ABCA5: variants seen among roughly 807,000 people sequenced by gnomAD.
ABCA5 encodes the protein cholesterol transporter ABCA5.
In ABCA5, 163 loss-of-function variants were observed where a neutral mutation model predicts 206.0. The observed-to-expected ratio is 0.79, with a 90% CI of 0.70 to 0.90. The LOEUF (loss-of-function observed/expected upper bound fraction) is 0.90, where lower values mean the gene tolerates loss of function less well. ABCA5 is among the 40% of genes least tolerant of loss of function. The pLI is 0.00. For synonymous variants in ABCA5, 609 were observed against 613.8 expected (o/e 0.99, Z 0.11); for missense variants, 1,859 against 1,912.9 (o/e 0.97, Z 0.53).
intron 37 of ABCA5, chr17:69,248,904 A>G (rs1318164940): frequency 6.6e-6 from 1 of 152,126 alleles, no homozygotes. Context: ...TTTAAAAAAT[A>G]TTTTGTAAAA....
At chr17:69,325,308 C>CAA (rs35573417) in intron 1 of ABCA5, among the ~76,000 whole-genome samples, 85 of 137,974 alleles carry the variant, frequency 6.2e-4, no homozygotes, top group East Asian at 4.1e-3. Context: ...GACCCTGTCT[C>CAA]AAAAAAAAAA....
At chr17:69,257,167 C>T (rs1255305702) in intron 28 of ABCA5, among the ~76,000 whole-genome samples, 1 of 152,038 alleles carries the variant, frequency 6.6e-6, no homozygotes, top group Non-Finnish European at 1.5e-5. Flanking sequence ...CAGTTCAACA[C>T]CAGCCTAGCC....
intron 9 of ABCA5, among the ~76,000 whole-genome samples, chr17:69,300,878 T>C (rs530951516): frequency 3.2e-4 from 48 of 152,238 alleles, no homozygotes; most frequent in African/African-American, 1.1e-3. Context: ...AAAAGACTGA[T>C]ATAAAGAAGG....
rs751218619 is a variant in ABCA5 at position 69,248,276 on chromosome 17, C to T, written c.4807G>A (p.Ala1603Thr). Residue 1603 changes from alanine to threonine, a missense_variant, in exon 38 of 39, where the codon GCA becomes ACA. Transcript: ENST00000392676. ...CTTTATAGTACCTGTTCCAATGTTGCTTGAGAAAAGCTATATTCTTCAATG... is the reference window on the plus strand; with the variant it reads ...CTTTATAGTACCTGTTCCAATGTTGTTTGAGAAAAGCTATATTCTTCAATG... The part of the protein sequence containing the change: ...FAIEEYSFSQ[A>T]TLEQVFVELT... 1.9e-6 allele frequency: 3 copies of T among 1,558,056 alleles called. No homozygotes were observed. Among genetic ancestry groups the T allele is most frequent in the African/African-American group, 1.4e-5 (1 of 72,952 alleles).
Position 69,271,173 on chromosome 17 carries a change from G to A in ABCA5, c.2881C>T (p.His961Tyr), listed in dbSNP as rs539979750. The change falls in exon 21 of 39, where the codon CAT (histidine) becomes TAT (tyrosine). Residue 961 changes from histidine (H) to tyrosine (Y), a missense_variant. Physicochemically the swap from His to Tyr is moderately conservative, Grantham distance 83 (BLOSUM62 2). Coordinates refer to ENST00000392676, the MANE Select transcript of ABCA5 (RefSeq NM_172232.4). ...APHSAALNVM[H>Y]SEKDYVFAAV... ...TGCATTCATCTTACCTTTTCTGAAT[G>A]CATCACATTTAAAGCCGCACTATGG... 2.5e-6 allele frequency: 4 copies of A among 1,611,174 alleles called. No homozygotes were observed. The highest frequency in any genetic ancestry group is 3.4e-6 in the Non-Finnish European group (4 of 1,179,198).
At chr17:69,324,978 G>GCTCT (rs1299639867) in intron 1 of ABCA5, among the ~76,000 whole-genome samples, 1 of 152,046 alleles carries the variant, frequency 6.6e-6, no homozygotes, top group African/African-American at 2.4e-5. Context: ...AATTATAAAT[G>GCTCT]CTCTCATCTT....
intron 4 of ABCA5, among the ~76,000 whole-genome samples, 172 bp downstream of exon 4, chr17:69,309,089 AG>A (rs1184398661): frequency 1.3e-5 from 2 of 152,168 alleles, no homozygotes; most frequent in Non-Finnish European, 2.9e-5. Context: ...GTGTAGAAGT[AG>A]ATAGGTATTT....
intron 1 of ABCA5, among the ~76,000 whole-genome samples, chr17:69,322,363 C>CAAAAAAAAAA (rs3029978): frequency 5.7e-5 from 3 of 52,380 alleles, no homozygotes; most frequent in Non-Finnish European, 9.8e-5. Flanking sequence ...GATTCCGTCT[C>CAAAAAAAAAA]AAAAAAAAAA....
chr17:69,305,733 T>C (rs776792634), intron 6 of ABCA5, among the ~76,000 whole-genome samples: 1 of 152,046 alleles, frequency 6.6e-6, no homozygotes, highest in Non-Finnish European at 1.5e-5. Flanking sequence ...TAGTTGGGCA[T>C]GACAGCATGC....
intron 28 of ABCA5, among the ~76,000 whole-genome samples, chr17:69,256,689 C>T (rs2075086717): frequency 3.9e-5 from 6 of 151,984 alleles, no homozygotes; most frequent in Admixed American, 3.9e-4. Flanking sequence ...CTCCTGGCCT[C>T]AAAAGATCCA....
At position 69,254,400 on chromosome 17, in the gene ABCA5, G is replaced by A. The variant is rs746908816; in HGVS notation, c.4159C>T (p.Pro1387Ser). 1 of 1,613,522 alleles carries A rather than the reference G, an allele frequency of 6.2e-7. No individual in the cohort carries two copies. Among genetic ancestry groups the A allele is most frequent in the African/African-American group, 1.3e-5 (1 of 74,980 alleles). Residue 1387 changes from proline to serine, a missense_variant, in exon 32 of 39, where the codon CCA becomes TCA. Transcript: ENST00000392676. ...AAATGTTCCTGCAATGTAGTATCTGGCCACAAAGGGTTTATCTGAGGACAG... is the reference window on the plus strand; with the variant it reads ...AAATGTTCCTGCAATGTAGTATCTGACCACAAAGGGTTTATCTGAGGACAG... ...GYCPQINPLW[P>S]DTTLQEHFEI...
chr17:69,253,748 A>C, intron 33 of ABCA5, 46 bp downstream of exon 33: 2 of 1,581,532 alleles, frequency 1.3e-6, no homozygotes, highest in East Asian at 2.2e-5. Context: ...CAGGTACTAA[A>C]CTATCAATAA....
rs569592055 is a variant in ABCA5 at position 69,246,419 on chromosome 17, T to C, written c.*1118A>G. The C allele has an allele frequency of 6.6e-6, 1 of 152,080 alleles. No homozygotes were observed. The highest frequency in any genetic ancestry group is 1.9e-4 in the East Asian group (1 of 5,188). The allele number at this position is 152,080 out of a possible 1,614,324, so 9.4% of individuals were successfully genotyped here. ...ATACATGGGTTGTACAAGGAAGTAT[T>C]TCTAAGAAAATATTAGCCATGCCTT... On this transcript the variant is annotated 3_prime_UTR_variant, in exon 39 of 39. Coordinates refer to ENST00000392676, the MANE Select transcript of ABCA5 (RefSeq NM_172232.4).
Position 69,308,332 on chromosome 17 carries a change from C to G in ABCA5, c.506G>C (p.Trp169Ser). 1.2e-6 allele frequency: 2 copies of G among 1,611,916 alleles called. No individual in the cohort carries two copies. The highest frequency in any genetic ancestry group is 1.1e-5 in the South Asian group (1 of 90,884). ...TTGTAAAACTGTGAAACCTGAGGAC[C>G]AGTACTGAGCAGCCTCACATGATTT... Reference protein sequence around the residue: ...CSKSCEAAQYWSSGFTVLQAS... With the variant: ...CSKSCEAAQYSSSGFTVLQAS... The change falls in exon 5 of 39, where the codon TGG becomes TCG. Residue 169 changes from tryptophan (W) to serine (S), a missense_variant. Physicochemically the swap from Trp to Ser is radical, Grantham distance 177 (BLOSUM62 -3). Transcript: ENST00000392676.
rs2075594718 is a variant in ABCA5, at chr17:69,297,324, GAA to G, written c.1301_1302del (p.Phe434SerfsTer14). ...EFGLRRSSLY[F>X]LKPSYWSKSK... ...CTCTTTGACCAATATGAAGGCTTCAGAAAATATAAAGATGATCTCCGTAAGCC... is the reference window on the plus strand; with the variant it reads ...CTCTTTGACCAATATGAAGGCTTCAGAATATAAAGATGATCTCCGTAAGCC... On this transcript the variant is annotated frameshift_variant, in exon 10 of 39. Coordinates refer to ENST00000392676, the MANE Select transcript of ABCA5 (RefSeq NM_172232.4). LOFTEE classifies it high-confidence loss of function. The G allele has an allele frequency of 6.8e-6, 11 of 1,607,502 alleles. No individual in the cohort carries two copies. Among genetic ancestry groups the G allele is most frequent in the Non-Finnish European group, 8.5e-6 (10 of 1,178,250 alleles).
chr17:69,291,177 T>C (rs530742228), intron 12 of ABCA5, 39 bp downstream of exon 12: 7 of 1,332,520 alleles, frequency 5.3e-6, no homozygotes, highest in Middle Eastern at 2.0e-4. Flanking sequence ...AAAGAATATA[T>C]ATAATGAAGT....
At chr17:69,293,862 G>A (rs866497118) in intron 11 of ABCA5, among the ~76,000 whole-genome samples, 1 of 105,862 alleles carries the variant, frequency 9.4e-6, no homozygotes, top group Non-Finnish European at 2.2e-5. Context: ...GTGTGTGTGT[G>A]TGTGTGTGTG....
intron 7 of ABCA5, chr17:69,304,406 T>C: frequency 4.1e-6 from 1 of 246,418 alleles, no homozygotes; most frequent in Non-Finnish European, 7.7e-6. Context: ...TATACATCAT[T>C]ATATAAAGAC....
At chr17:69,324,020 C>T (rs1446719203) in intron 1 of ABCA5, among the ~76,000 whole-genome samples, 2 of 152,182 alleles carry the variant, frequency 1.3e-5, no homozygotes, top group Non-Finnish European at 2.9e-5. Flanking sequence ...TGTGCTACAA[C>T]AGTAAAGTTA....
Sources: allele counts gnomAD v4.1 joint callset (sites outside exome capture counted in the v4.1 genomes callset), GRCh38; gene constraint gnomAD v4.1.1; transcripts MANE v1.5; gene names NCBI Gene and HGNC (gene_info 2026-07-23, HGNC 2026-07-21).